MYO9A: variants seen among roughly 807,000 people sequenced by gnomAD.
MYO9A encodes the protein unconventional myosin-IXa.
In MYO9A, 103 loss-of-function variants were observed where a neutral mutation model predicts 293.3. The ratio of observed to expected loss-of-function variants is 0.35; its 90% CI spans 0.30 to 0.41. The LOEUF is 0.41. Among genes scored for constraint, MYO9A ranks in the 10% least tolerant of loss-of-function variants. The probability of loss-of-function intolerance (pLI) is 1.00; values close to 1 mark genes in which losing one functional copy is unlikely to be tolerated. For synonymous variants in MYO9A, 1,001 were observed against 1,035.7 expected (o/e 0.97, Z 0.64); for missense variants, 2,685 against 3,033.0 (o/e 0.89, Z 2.69).
intron 6 of MYO9A, among the ~76,000 whole-genome samples, chr15:72,010,974 C>A (rs1035001150): frequency 1.3e-5 from 2 of 151,414 alleles, no homozygotes; most frequent in African/African-American, 4.9e-5. Flanking sequence ...TTTGTTACAT[C>A]TATCTAATCT....
chr15:72,004,055 A>G (rs2076949208), intron 8 of MYO9A, among the ~76,000 whole-genome samples: 1 of 152,182 alleles, frequency 6.6e-6, no homozygotes, highest in African/African-American at 2.4e-5. Context: ...AAAACATACT[A>G]ATCTTGCATA....
Position 71,825,620 on chromosome 15 carries a change from G to A in MYO9A, c.*960C>T, listed in dbSNP as rs1179289319. The A allele has an allele frequency of 2.0e-5, 3 of 151,206 alleles. No homozygotes were observed. Among genetic ancestry groups the A allele is most frequent in the African/African-American group, 7.3e-5 (3 of 41,198 alleles). 9.4% of individuals were successfully genotyped at this position (151,206 alleles called of 1,614,324 possible). A position where few individuals can be genotyped will look rare whatever the true frequency, so the allele number is the denominator to read the frequency against. ...TCACATTATTTGTTTGTTTGTTTGA[G>A]TCTGAGTCTGTGGTGGGAATCCACC... On this transcript the variant is annotated 3_prime_UTR_variant, in exon 42 of 42. Coordinates refer to ENST00000356056, the MANE Select transcript of MYO9A (RefSeq NM_006901.4).
At chr15:71,995,663 G>C (rs1255819842) in intron 9 of MYO9A, among the ~76,000 whole-genome samples, 2 of 151,810 alleles carry the variant, frequency 1.3e-5, no homozygotes, top group Non-Finnish European at 2.9e-5. Flanking sequence ...TTATTATCTA[G>C]GGGCTTATTC....
chr15:72,080,023 T>C (rs1451631408), intron 1 of MYO9A, among the ~76,000 whole-genome samples: 2 of 152,232 alleles, frequency 1.3e-5, no homozygotes, highest in Non-Finnish European at 2.9e-5. Flanking sequence ...TATTATCTGC[T>C]GATTCTTAGT....
At chr15:72,111,155 T>C (rs1403746631) in intron 1 of MYO9A, among the ~76,000 whole-genome samples, 1 of 141,560 alleles carries the variant, frequency 7.1e-6, no homozygotes, top group South Asian at 2.3e-4. Flanking sequence ...CGAGACTCCA[T>C]CTCAAAAAAA....
chr15:71,926,071 G>A (rs1371466038), intron 18 of MYO9A, among the ~76,000 whole-genome samples: 1 of 152,170 alleles, frequency 6.6e-6, no homozygotes, highest in Non-Finnish European at 1.5e-5. Context: ...TAAATGGGTA[G>A]GGTGCTTTAG....
chr15:72,071,242 G>A (rs1015342527), intron 1 of MYO9A, among the ~76,000 whole-genome samples: 3 of 152,056 alleles, frequency 2.0e-5, no homozygotes, highest in Admixed American at 1.3e-4. Flanking sequence ...CAAAGGACAG[G>A]AACGGCACTT....
rs2054659951 is a variant in MYO9A, at chr15:71,830,139, G to A, written c.7010C>T (p.Thr2337Ile). 1 of 1,613,968 alleles carries A rather than the reference G, an allele frequency of 6.2e-7. No individual in the cohort carries two copies. The highest frequency in any genetic ancestry group is 1.3e-5 in the African/African-American group (1 of 74,912). The change falls in exon 40 of 42, where the codon ACT becomes ATT. Residue 2337 changes from threonine to isoleucine, a missense_variant. Thr to Ile is a moderately conservative substitution (Grantham distance 89). Around this residue, in one of 10 missense-constraint regions of MYO9A, gnomAD observed 350 missense variants for 328.9 expected, o/e 1.06. Coordinates refer to ENST00000356056, the MANE Select transcript of MYO9A (RefSeq NM_006901.4). ...AAMQQEERVL[T>I]EQIENLQKEK... is the part of the protein sequence containing the mutation. ...CTTCTGTAGGTTCTCAATCTGCTCA[G>A]TCAGTACTCTCTCCTCCTGCTGCAT...
chr15:72,017,486 AG>A (rs995719212), intron 6 of MYO9A, among the ~76,000 whole-genome samples: 2 of 152,154 alleles, frequency 1.3e-5, no homozygotes, highest in Admixed American at 1.3e-4. Context: ...AAAAAGGAAA[AG>A]GGGGAGCTTC....
intron 4 of MYO9A, among the ~76,000 whole-genome samples, chr15:72,024,216 A>T (rs2077592144): frequency 6.6e-6 from 1 of 152,242 alleles, no homozygotes; most frequent in Non-Finnish European, 1.5e-5. Flanking sequence ...TCAATTAAAC[A>T]TGAAGAAATA....
At chr15:72,071,988 T>A (rs1305829854) in intron 1 of MYO9A, among the ~76,000 whole-genome samples, 1 of 146,194 alleles carries the variant, frequency 6.8e-6, no homozygotes, top group Non-Finnish European at 1.5e-5. Flanking sequence ...GAGGATCACT[T>A]GAGCTCAGGA....
chr15:72,012,198 T>C (rs375421482), intron 6 of MYO9A, among the ~76,000 whole-genome samples: 14 of 152,286 alleles, frequency 9.2e-5, no homozygotes, highest in African/African-American at 3.1e-4. Flanking sequence ...ACAAGTAAAG[T>C]TCTTTCTGAG....
chr15:72,004,350 G>A (rs572975088), intron 8 of MYO9A, among the ~76,000 whole-genome samples: 2 of 152,330 alleles, frequency 1.3e-5, no homozygotes, highest in South Asian at 4.1e-4. Context: ...CTGAGGTCAG[G>A]AGTTCAAGAC....
intron 18 of MYO9A, among the ~76,000 whole-genome samples, chr15:71,929,907 G>A (rs1037167878): frequency 3.9e-5 from 6 of 152,156 alleles, no homozygotes; most frequent in African/African-American, 9.7e-5. Flanking sequence ...TTTTCTTGTA[G>A]TACTTTCGTA....
chr15:71,900,303 G>A, intron 23 of MYO9A, among the ~76,000 whole-genome samples: 1 of 151,836 alleles, frequency 6.6e-6, no homozygotes. Context: ...GGGCGTGGTG[G>A]TGGGTGCCTA....
At chr15:71,886,834 GTTC>G (rs1329038377) in intron 27 of MYO9A, among the ~76,000 whole-genome samples, 1 of 151,968 alleles carries the variant, frequency 6.6e-6, no homozygotes, top group Non-Finnish European at 1.5e-5. Flanking sequence ...CCAGATGTAT[GTTC>G]TTCTACTGTG....
intron 1 of MYO9A, among the ~76,000 whole-genome samples, chr15:72,096,177 G>GAA: frequency 7.7e-6 from 1 of 130,668 alleles, no homozygotes; most frequent in Non-Finnish European, 1.7e-5. Flanking sequence ...AAAAAAAAAA[G>GAA]AAAAAAAAAA....
chr15:71,916,636 C>T (rs1225730287), intron 18 of MYO9A, 144 bp from the exon 19 acceptor site: 3 of 762,024 alleles, frequency 3.9e-6, no homozygotes, highest in Non-Finnish European at 6.1e-6. Flanking sequence ...TGATATCCAA[C>T]ATTCATTCTA....
At chr15:71,886,050 T>C (rs1453963235) in intron 27 of MYO9A, among the ~76,000 whole-genome samples, 2 of 152,110 alleles carry the variant, frequency 1.3e-5, no homozygotes, top group African/African-American at 4.8e-5. Context: ...GATAGTTACA[T>C]TTGTCTATCT....
Sources: allele counts gnomAD v4.1 joint callset (sites outside exome capture counted in the v4.1 genomes callset), GRCh38; gene constraint gnomAD v4.1.1; regional missense constraint gnomAD v4.1.1; transcripts MANE v1.5; gene names NCBI Gene and HGNC (gene_info 2026-07-23, HGNC 2026-07-21).